The following EFCAB11 variants were observed in gnomAD, a reference collection of about 807,000 sequenced individuals.
EFCAB11 encodes the protein EF-hand calcium binding domain 11.
EFCAB11 carries 14 observed loss-of-function variants against 23.0 expected under a neutral mutation model. That is an observed-to-expected ratio of 0.61 (90% confidence interval 0.40 to 0.95). The LOEUF (loss-of-function observed/expected upper bound fraction) is 0.95. EFCAB11 is among the 40% of genes least tolerant of loss of function. The pLI, the probability that EFCAB11 is intolerant of heterozygous loss-of-function variation, is 0.00. For synonymous variants in EFCAB11, 65 were observed against 66.6 expected (o/e 0.98, Z 0.11); for missense variants, 198 against 195.8 (o/e 1.01, Z -0.07).
intron 5 of EFCAB11, among the ~76,000 whole-genome samples, chr14:89,893,600 A>T (rs1889056411): frequency 6.6e-6 from 1 of 151,904 alleles, no homozygotes; most frequent in Non-Finnish European, 1.5e-5. Context: ...CTCTTGCCCC[A>T]GCTCTGGACA....
intron 4 of EFCAB11, 110 bp from the exon 5 acceptor site, chr14:89,931,741 G>T: frequency 1.2e-6 from 1 of 817,174 alleles, no homozygotes; most frequent in Non-Finnish European, 1.9e-6. Flanking sequence ...TAGGAGAAAA[G>T]CAGTAGTTTA....
chr14:89,827,358 G>T (rs1039989738), intron 5 of EFCAB11, among the ~76,000 whole-genome samples: 1 of 152,168 alleles, frequency 6.6e-6, no homozygotes, highest in Non-Finnish European at 1.5e-5. Context: ...CTGGAGTGAG[G>T]AACTGTTATA....
At chr14:89,871,788 C>T (rs1888278752) in intron 5 of EFCAB11, among the ~76,000 whole-genome samples, 1 of 152,224 alleles carries the variant, frequency 6.6e-6, no homozygotes, top group South Asian at 2.1e-4. Flanking sequence ...CTGACTCCAT[C>T]AGATTTCCCA....
chr14:89,900,841 C>T (rs1374035821), intron 5 of EFCAB11, among the ~76,000 whole-genome samples: 6 of 152,112 alleles, frequency 3.9e-5, no homozygotes, highest in Admixed American at 1.3e-4. Context: ...TTTTTAATAA[C>T]AGTCTTTTCG....
intron 2 of EFCAB11, chr14:89,952,349 T>C (rs1342589204): frequency 1.0e-6 from 1 of 966,158 alleles, no homozygotes; most frequent in Admixed American, 6.1e-5. Flanking sequence ...TGAAACCAAA[T>C]AGACTCAAGG....
intron 5 of EFCAB11, among the ~76,000 whole-genome samples, chr14:89,899,794 T>C (rs918443960): frequency 2.0e-5 from 3 of 152,140 alleles, no homozygotes; most frequent in African/African-American, 7.2e-5. Flanking sequence ...ACCCATCAAA[T>C]TGGCAAAAAC....
intron 5 of EFCAB11, among the ~76,000 whole-genome samples, chr14:89,902,631 G>A (rs1032404548): frequency 3.3e-5 from 5 of 152,162 alleles, no homozygotes; most frequent in Non-Finnish European, 5.9e-5. Context: ...AAAAATGGGG[G>A]AGGGCAGAGG....
chr14:89,848,926 C>A (rs1887513524), intron 5 of EFCAB11: 2 of 152,054 alleles, frequency 1.3e-5, no homozygotes, highest in East Asian at 3.9e-4. Context: ...GACTCTGTCT[C>A]AAGAAAAAAT....
intron 2 of EFCAB11, chr14:89,952,540 T>C (rs2139851359): frequency 1.0e-6 from 1 of 985,464 alleles, no homozygotes; most frequent in Non-Finnish European, 1.2e-6. Flanking sequence ...AGCTCCATAA[T>C]AAGCTTCTCA....
At chr14:89,843,321 T>C (rs1486891306) in intron 5 of EFCAB11, among the ~76,000 whole-genome samples, 4 of 151,854 alleles carry the variant, frequency 2.6e-5, no homozygotes, top group Non-Finnish European at 2.9e-5. Context: ...TTATTTGTAT[T>C]TTAACATAAA....
At chr14:89,953,431 A>G (rs1891261848) in intron 2 of EFCAB11, among the ~76,000 whole-genome samples, 1 of 152,250 alleles carries the variant, frequency 6.6e-6, no homozygotes, top group Non-Finnish European at 1.5e-5. Flanking sequence ...TACACAAAAA[A>G]ACTGTTAATG....
chr14:89,846,982 A>G (rs550678329), intron 5 of EFCAB11, among the ~76,000 whole-genome samples: 6 of 152,250 alleles, frequency 3.9e-5, no homozygotes, highest in Admixed American at 3.3e-4. Flanking sequence ...TGCCCGATAC[A>G]TCTATGTCTT....
intron 3 of EFCAB11, among the ~76,000 whole-genome samples, chr14:89,937,395 A>G (rs1890622777): frequency 6.6e-6 from 1 of 152,154 alleles, no homozygotes; most frequent in African/African-American, 2.4e-5. Context: ...TGGTTTAAAG[A>G]CCACTGGACC....
chr14:89,895,437 C>T (rs1307558805), intron 5 of EFCAB11, among the ~76,000 whole-genome samples: 1 of 152,150 alleles, frequency 6.6e-6, no homozygotes, highest in Non-Finnish European at 1.5e-5. Flanking sequence ...GAGACTTGCC[C>T]TACTGGTATT....
At chr14:89,810,999 G>A (rs1886133430) in intron 5 of EFCAB11, among the ~76,000 whole-genome samples, 1 of 152,092 alleles carries the variant, frequency 6.6e-6, no homozygotes. Flanking sequence ...AGGAGTGACA[G>A]AAGGTTCTAG....
Position 89,831,033 on chromosome 14 carries a change from C to T in EFCAB11, c.411-33709G>A, listed in dbSNP as rs182753612. 195 of 152,404 alleles carry T rather than the reference C, an allele frequency of 1.3e-3. 2 individuals carry two copies. The highest frequency in any genetic ancestry group is 1.6e-3 in the Non-Finnish European group (109 of 68,122). The allele number at this position is 152,404 out of a possible 1,614,324, so 9.4% of individuals were successfully genotyped here. On this transcript the variant is annotated intron_variant, in intron 5 of 5. Transcript: ENST00000316738. The stretch of plus-strand genomic sequence containing the variant: ...ACTTATTTATTGGGTGGAGAAGAGA[C>T]CTGAAGTAGATTGATGGGGGCAAAG...
At chr14:89,855,652 T>C (rs577398997) in intron 5 of EFCAB11, among the ~76,000 whole-genome samples, 65 of 152,280 alleles carry the variant, frequency 4.3e-4, no homozygotes, top group African/African-American at 1.6e-3. Flanking sequence ...AATCTACTCA[T>C]TTCACATGAA....
intron 3 of EFCAB11, among the ~76,000 whole-genome samples, chr14:89,942,912 G>C (rs982249187): frequency 6.6e-6 from 1 of 152,100 alleles, no homozygotes. Context: ...AAGAGGATTC[G>C]AAGCCCTTGG....
chr14:89,908,196 TAA>T (rs1482108070), intron 5 of EFCAB11, among the ~76,000 whole-genome samples: 1 of 152,216 alleles, frequency 6.6e-6, no homozygotes, highest in Non-Finnish European at 1.5e-5. Flanking sequence ...TCCCTAGGGT[TAA>T]GTCTAGACAC....
Sources: gnomAD v4.1 joint callset for allele counts (sites outside exome capture counted in the v4.1 genomes callset) on GRCh38, gnomAD v4.1.1 for gene constraint, MANE v1.5 for transcripts, NCBI Gene and HGNC (gene_info 2026-07-23, HGNC 2026-07-21) for gene names.